Variants in FAM110B observed in about 807,000 individuals in gnomAD.
FAM110B encodes the protein protein FAM110B.
Under a neutral mutation model 20.4 loss-of-function variants are expected in FAM110B, and 6 were observed. The observed-to-expected ratio is 0.29, with a 90% confidence interval of 0.16 to 0.58. The LOEUF is 0.58. Among genes scored for constraint, FAM110B ranks in the 20% least tolerant of loss-of-function variants. The probability of loss-of-function intolerance (pLI) is 0.90; values close to 1 mark genes in which losing one functional copy is unlikely to be tolerated. For missense variants in FAM110B, 434 were observed against 498.2 expected, an observed-to-expected ratio of 0.87 and a Z score of 1.23; for synonymous variants, 226 against 214.1, an observed-to-expected ratio of 1.06 and a Z score of -0.49.
chr8:58,057,561 C>CT (rs1223642823), intron 2 of FAM110B, among the ~76,000 whole-genome samples: 2 of 152,150 alleles, frequency 1.3e-5, no homozygotes, highest in Admixed American at 1.3e-4. Flanking sequence ...AAGAATTCCC[C>CT]TTTTCTCAGC....
At chr8:57,997,433 C>T (rs915324667) in intron 1 of FAM110B, among the ~76,000 whole-genome samples, 2 of 152,158 alleles carry the variant, frequency 1.3e-5, no homozygotes, top group Non-Finnish European at 2.9e-5. Flanking sequence ...AAACTGTTCA[C>T]TTTATTTTAT....
chr8:58,112,478 C>A (rs1166691871), intron 3 of FAM110B, among the ~76,000 whole-genome samples: 1 of 152,244 alleles, frequency 6.6e-6, no homozygotes, highest in Non-Finnish European at 1.5e-5. Flanking sequence ...TCATTGCAGT[C>A]TTTACCTTGA....
In FAM110B at chr8:58,109,978, T is replaced by C. The variant is rs188661927; in HGVS notation, c.-325+34355T>C. On this transcript the variant is annotated intron_variant, in intron 3 of 3. Transcript: ENST00000519262. ...ATTCGGAACATCATACTCTCCATGT[T>C]TACTGTGATGATTCTTCTCTTCCAT... 1.3e-3 allele frequency among the ~76,000 whole-genome samples: 202 copies of C among 152,312 alleles called. 1 individual carries two copies. Among genetic ancestry groups the C allele is most frequent in the African/African-American group, 4.5e-3 (186 of 41,570 alleles).
intron 1 of FAM110B, among the ~76,000 whole-genome samples, chr8:57,998,310 A>G (rs1338509426): frequency 6.6e-6 from 1 of 152,138 alleles, no homozygotes; most frequent in East Asian, 1.9e-4. Context: ...TAGAAGTAAT[A>G]AAGAATGTTG....
At chr8:58,026,110 TG>T (rs1465545333) in intron 1 of FAM110B, among the ~76,000 whole-genome samples, 2 of 152,232 alleles carry the variant, frequency 1.3e-5, no homozygotes, top group African/African-American at 4.8e-5. Flanking sequence ...CCCTGCTACA[TG>T]GGTTGACCCA....
intron 3 of FAM110B, among the ~76,000 whole-genome samples, chr8:58,102,672 G>A (rs554448663): frequency 3.1e-4 from 47 of 152,232 alleles, no homozygotes; most frequent in Admixed American, 1.6e-3. Context: ...TTTCTTGTCT[G>A]CCACTGCCCT....
At chr8:58,001,946 G>A (rs2150562170) in intron 1 of FAM110B, among the ~76,000 whole-genome samples, 1 of 152,266 alleles carries the variant, frequency 6.6e-6, no homozygotes, top group Non-Finnish European at 1.5e-5. Context: ...CCAAGATGGA[G>A]ACCCAGGAGA....
At chr8:58,087,255 T>A (rs1486159700) in intron 3 of FAM110B, among the ~76,000 whole-genome samples, 2 of 152,226 alleles carry the variant, frequency 1.3e-5, no homozygotes, top group African/African-American at 2.4e-5. Context: ...ACCAGCGCTG[T>A]GCGTCACCTT....
intron 3 of FAM110B, among the ~76,000 whole-genome samples, chr8:58,092,990 A>T (rs1356410407): frequency 1.3e-5 from 2 of 152,182 alleles, no homozygotes; most frequent in African/African-American, 4.8e-5. Context: ...CATTTCTCTA[A>T]TGATGAGGGA....
chr8:58,061,265 C>G (rs192493015), intron 2 of FAM110B, among the ~76,000 whole-genome samples: 10 of 152,274 alleles, frequency 6.6e-5, no homozygotes, highest in African/African-American at 2.4e-4. Context: ...TGTTGCTGCT[C>G]TCTTGACCCC....
In FAM110B at chr8:58,135,997, C is replaced by G. The variant is rs562645322; in HGVS notation, c.-324-9910C>G. On this transcript the variant is annotated intron_variant, in intron 3 of 3. Coordinates refer to ENST00000519262, the MANE Select transcript of FAM110B (RefSeq NM_001377989.1). ...TAACTCTCAGACTTACAGTAGCCAG[C>G]AAGTCCTTTTTTTTTTTTTTTTTTT... Among the ~76,000 whole-genome samples the G allele has an allele frequency of 8.5e-4, 121 of 143,184 alleles. 1 individual carries two copies. The highest frequency in any genetic ancestry group is 3.1e-3 in the African/African-American group (120 of 38,564). 93.9% of individuals were successfully genotyped at this position (143,184 alleles called of 152,430 possible). A position where few individuals can be genotyped will look rare whatever the true frequency, so the allele number is the denominator to read the frequency against.
intron 3 of FAM110B, among the ~76,000 whole-genome samples, chr8:58,084,267 G>A (rs1038262185): frequency 6.6e-6 from 1 of 152,152 alleles, no homozygotes; most frequent in African/African-American, 2.4e-5. Context: ...ATATTTTCAA[G>A]CATCATTCTA....
chr8:58,125,271 C>G (rs1237251107), intron 3 of FAM110B, among the ~76,000 whole-genome samples: 1 of 152,130 alleles, frequency 6.6e-6, no homozygotes, highest in Non-Finnish European at 1.5e-5. Context: ...TCACTTGATC[C>G]TGGGAAGTTG....
intron 3 of FAM110B, among the ~76,000 whole-genome samples, chr8:58,086,403 T>A (rs752488703): frequency 1.1e-4 from 17 of 152,258 alleles, no homozygotes; most frequent in Non-Finnish European, 2.1e-4. Context: ...TTATTAATAA[T>A]ACTTCATGTT....
intron 3 of FAM110B, chr8:58,100,900 G>C (rs774511998): frequency 6.6e-6 from 1 of 152,228 alleles, no homozygotes; most frequent in South Asian, 2.1e-4. Flanking sequence ...CTGGCCGGGC[G>C]CGGTGGCTCA....
chr8:58,079,660 A>C (rs865901258), intron 3 of FAM110B, among the ~76,000 whole-genome samples: 1 of 152,124 alleles, frequency 6.6e-6, no homozygotes, highest in Non-Finnish European at 1.5e-5. Context: ...ATGCGCCTGT[A>C]GTTCCAGCTG....
At chr8:58,095,025 G>GT (rs1453861026) in intron 3 of FAM110B, among the ~76,000 whole-genome samples, 1 of 152,150 alleles carries the variant, frequency 6.6e-6, no homozygotes, top group Non-Finnish European at 1.5e-5. Flanking sequence ...AGATTTTCTT[G>GT]TTTATTTGCG....
intron 1 of FAM110B, among the ~76,000 whole-genome samples, chr8:58,029,452 T>A (rs1380988087): frequency 6.6e-6 from 1 of 152,232 alleles, no homozygotes. Flanking sequence ...AAAGGCAGCG[T>A]ATGCCCTTGA....
intron 3 of FAM110B, chr8:58,113,484 G>T: frequency 5.2e-6 from 1 of 191,204 alleles, no homozygotes; most frequent in South Asian, 1.1e-4. Context: ...AGATGAGCAT[G>T]GATCAAACAC....
Sources: gnomAD v4.1 joint callset for allele counts (sites outside exome capture counted in the v4.1 genomes callset) on GRCh38, gnomAD v4.1.1 for gene constraint, MANE v1.5 for transcripts, NCBI Gene and HGNC (gene_info 2026-07-23, HGNC 2026-07-21) for gene names.